TMTC1: variants seen among roughly 807,000 people sequenced by gnomAD.
The protein encoded by TMTC1 is transmembrane O-mannosyltransferase targeting cadherins 1.
TMTC1 carries 73 observed loss-of-function variants against 104.8 expected under a neutral mutation model. That is an observed-to-expected ratio of 0.70 (90% CI 0.58 to 0.85). The LOEUF (loss-of-function observed/expected upper bound fraction) is 0.85. Ranked by LOEUF, TMTC1 falls within the 40% of genes least tolerant of loss-of-function variation. The pLI is 0.00. For synonymous variants in TMTC1, 434 were observed against 428.7 expected (o/e 1.01, Z -0.15); for missense variants, 1,035 against 1,096.1 (o/e 0.94, Z 0.79).
At chr12:29,639,106 G>T (rs942322700) in intron 5 of TMTC1, among the ~76,000 whole-genome samples, 15 of 152,142 alleles carry the variant, frequency 9.9e-5, no homozygotes, top group African/African-American at 3.6e-4. Context: ...TAATTATCCC[G>T]TACGCCTTCC....
At chr12:29,762,110 T>A (rs370928044) in intron 2 of TMTC1, among the ~76,000 whole-genome samples, 19 of 151,962 alleles carry the variant, frequency 1.3e-4, no homozygotes, top group East Asian at 7.7e-4. Context: ...GCCCAGGAGG[T>A]AGAGGCTGCA....
chr12:29,689,267 T>A (rs939449194), intron 5 of TMTC1, among the ~76,000 whole-genome samples: 2 of 152,160 alleles, frequency 1.3e-5, no homozygotes, highest in African/African-American at 2.4e-5. Flanking sequence ...CTGGTTTTTT[T>A]TTTTTTATTT....
rs139288480 is a variant in TMTC1 at position 29,537,798 on chromosome 12, C to T, written c.1677-1481G>A. Reference sequence around the variant, plus strand: ...GCTCCAGTTTCTGAGGATGAAGTGACATAGAGGGAAAACTAATATTCACTC... The same window carrying T: ...GCTCCAGTTTCTGAGGATGAAGTGATATAGAGGGAAAACTAATATTCACTC... On this transcript the variant is annotated intron_variant, in intron 10 of 17. Transcript: ENST00000539277. Among the ~76,000 whole-genome samples, 5 of 152,246 alleles carry T rather than the reference C, an allele frequency of 3.3e-5. No individual in the cohort carries two copies. The East Asian group carries it at 9.7e-4, about 29-fold the overall frequency.
At chr12:29,707,066 G>T (rs1941765819) in intron 5 of TMTC1, among the ~76,000 whole-genome samples, 1 of 152,170 alleles carries the variant, frequency 6.6e-6, no homozygotes, top group African/African-American at 2.4e-5. Flanking sequence ...GGGACAGTCA[G>T]ACCTGATGGC....
intron 11 of TMTC1, among the ~76,000 whole-genome samples, chr12:29,526,703 T>C (rs1944355823): frequency 6.6e-6 from 1 of 152,166 alleles, no homozygotes; most frequent in Non-Finnish European, 1.5e-5. Flanking sequence ...TACTTCTTTA[T>C]CAAGAGCTTT....
At chr12:29,779,498 AAAAATACAT>A (rs1362686385) in intron 1 of TMTC1, among the ~76,000 whole-genome samples, 1 of 152,224 alleles carries the variant, frequency 6.6e-6, no homozygotes, top group Non-Finnish European at 1.5e-5. Context: ...TCTTACTTGA[AAAAATACAT>A]AATTAGTATC....
chr12:29,514,407 T>C (rs893067587), intron 16 of TMTC1, 75 bp downstream of exon 16: 10 of 1,468,524 alleles, frequency 6.8e-6, no homozygotes, highest in Middle Eastern at 2.2e-4. Context: ...TTACTGTACA[T>C]GTTTCCTTAA....
intron 5 of TMTC1, among the ~76,000 whole-genome samples, chr12:29,713,656 C>T (rs1477755496): frequency 6.6e-6 from 1 of 152,118 alleles, no homozygotes; most frequent in Non-Finnish European, 1.5e-5. Flanking sequence ...CAAGCTTGAA[C>T]CAAAATCCAA....
chr12:29,677,015 T>C (rs553272493), intron 5 of TMTC1, among the ~76,000 whole-genome samples: 1 of 152,292 alleles, frequency 6.6e-6, no homozygotes, highest in South Asian at 2.1e-4. Flanking sequence ...CCAAGTCTGG[T>C]CCTTCTGTGG....
chr12:29,771,435 C>G (rs112343681), intron 1 of TMTC1, among the ~76,000 whole-genome samples: 3 of 152,118 alleles, frequency 2.0e-5, no homozygotes, highest in Non-Finnish European at 4.4e-5. Flanking sequence ...GGGAACTGCA[C>G]AAATCAAACA....
At chr12:29,593,504 A>G (rs1424600908) in intron 7 of TMTC1, among the ~76,000 whole-genome samples, 2 of 152,212 alleles carry the variant, frequency 1.3e-5, no homozygotes, top group Non-Finnish European at 2.9e-5. Flanking sequence ...GTGCGCTATT[A>G]TTTGCTTCAA....
At chr12:29,680,955 C>T (rs537849577) in intron 5 of TMTC1, among the ~76,000 whole-genome samples, 94 of 151,852 alleles carry the variant, frequency 6.2e-4, no homozygotes, top group Middle Eastern at 3.4e-3. Context: ...AAAAATTAGC[C>T]GGGCATGGTG....
intron 16 of TMTC1, 69 bp from the exon 17 acceptor site, chr12:29,512,189 T>C: frequency 1.5e-6 from 2 of 1,303,756 alleles, no homozygotes; most frequent in South Asian, 2.8e-5. Context: ...AGAAACCACT[T>C]TCTTCACGTG....
intron 5 of TMTC1, among the ~76,000 whole-genome samples, chr12:29,703,543 T>G (rs1941660666): frequency 6.6e-6 from 1 of 152,228 alleles, no homozygotes; most frequent in Admixed American, 6.5e-5. Context: ...CTGGTTGCTT[T>G]TTTCCAAGAT....
chr12:29,679,828 T>C (rs1940852634), intron 5 of TMTC1, among the ~76,000 whole-genome samples: 2 of 152,190 alleles, frequency 1.3e-5, no homozygotes, highest in African/African-American at 2.4e-5. Context: ...TACTGTACCC[T>C]GTTTTGTAGA....
intron 9 of TMTC1, among the ~76,000 whole-genome samples, chr12:29,571,128 G>A (rs2766601): frequency 0.59 from 89,732 of 151,870 alleles, 27,550 homozygotes; most frequent in Non-Finnish European, 0.67. Context: ...ACCGTTTCAG[G>A]AAATTCAACC....
Position 29,554,477 on chromosome 12 carries a change from A to T in TMTC1, c.1676+2380T>A, listed in dbSNP as rs568446797. On this transcript the variant is annotated intron_variant, in intron 10 of 17. Coordinates refer to ENST00000539277, the MANE Select transcript of TMTC1 (RefSeq NM_001193451.2). ...ACGTTAGCGAGTCTTTAGCAAGACT[A>T]AAAGTAAGAAAAAGCAGAGCAGTGT... Among the ~76,000 whole-genome samples the T allele has an allele frequency of 1.4e-3, 210 of 152,346 alleles. 1 individual carries two copies. The highest frequency in any genetic ancestry group is 4.8e-3 in the African/African-American group (199 of 41,578).
At chr12:29,724,216 A>G (rs1182778461) in intron 5 of TMTC1, among the ~76,000 whole-genome samples, 1 of 152,220 alleles carries the variant, frequency 6.6e-6, no homozygotes, top group African/African-American at 2.4e-5. Context: ...TATTTCATAC[A>G]CGACAAGTTT....
chr12:29,681,894 C>A, intron 5 of TMTC1, among the ~76,000 whole-genome samples: 1 of 152,076 alleles, frequency 6.6e-6, no homozygotes, highest in South Asian at 2.1e-4. Context: ...AATTCCTTTA[C>A]ATATGACAGT....
Sources: allele counts gnomAD v4.1 joint callset (sites outside exome capture counted in the v4.1 genomes callset), GRCh38; gene constraint gnomAD v4.1.1; transcripts MANE v1.5; gene names NCBI Gene and HGNC (gene_info 2026-07-23, HGNC 2026-07-21).